NAALADL2: variants seen among roughly 807,000 people sequenced by gnomAD.
NAALADL2 encodes the protein inactive N-acetylated-alpha-linked acidic dipeptidase-like protein 2.
A neutral mutation model predicts 87.2 loss-of-function variants in NAALADL2; 76 were observed. The ratio of observed to expected loss-of-function variants is 0.87; its 90% CI spans 0.72 to 1.05. The LOEUF is 1.05. Among genes scored for constraint, NAALADL2 ranks in the 50% least tolerant of loss-of-function variants. The pLI is 0.00. For missense variants in NAALADL2, 1,089 were observed against 945.8 expected (o/e 1.15, Z -1.99); for synonymous variants, 354 against 331.0 (o/e 1.07, Z -0.75).
chr3:175,472,502 G>A (rs1231085827), intron 9 of NAALADL2, among the ~76,000 whole-genome samples: 1 of 152,024 alleles, frequency 6.6e-6, no homozygotes, highest in African/African-American at 2.4e-5. Flanking sequence ...TTTCCTCTTA[G>A]CCTCAATGTC....
At chr3:175,679,963 G>A (rs571703947) in intron 11 of NAALADL2, among the ~76,000 whole-genome samples, 12 of 152,116 alleles carry the variant, frequency 7.9e-5, no homozygotes, top group South Asian at 2.1e-4. Context: ...AAAGGATGCC[G>A]TCACATATTT....
intron 5 of NAALADL2, among the ~76,000 whole-genome samples, chr3:175,388,588 G>C (rs1012048147): frequency 1.3e-5 from 2 of 152,030 alleles, no homozygotes; most frequent in African/African-American, 4.8e-5. Flanking sequence ...TTTAATGTAC[G>C]CACTTGATAA....
At chr3:175,391,635 G>A (rs1769088193) in intron 5 of NAALADL2, among the ~76,000 whole-genome samples, 1 of 152,082 alleles carries the variant, frequency 6.6e-6, no homozygotes. Flanking sequence ...TCTCAGCTGA[G>A]GTAGAGGTTA....
chr3:174,442,091 G>A (rs1714695399), intron 1 of NAALADL2, among the ~76,000 whole-genome samples: 1 of 152,132 alleles, frequency 6.6e-6, no homozygotes, highest in African/African-American at 2.4e-5. Context: ...CAGTGAGTTC[G>A]ATTTGGTAAC....
chr3:175,499,544 T>G (rs1729260333), intron 9 of NAALADL2, among the ~76,000 whole-genome samples: 1 of 152,052 alleles, frequency 6.6e-6, no homozygotes, highest in Admixed American at 6.6e-5. Context: ...GTTTTAGTTC[T>G]TAGATCTACT....
intron 1 of NAALADL2, among the ~76,000 whole-genome samples, chr3:174,905,268 A>G (rs1353848009): frequency 6.6e-6 from 1 of 151,864 alleles, no homozygotes; most frequent in African/African-American, 2.4e-5. Context: ...TTAGTATTTA[A>G]ATGCTCATTG....
chr3:175,326,939 A>G (rs1349603354), intron 5 of NAALADL2, among the ~76,000 whole-genome samples: 11 of 152,176 alleles, frequency 7.2e-5, no homozygotes, highest in Non-Finnish European at 1.3e-4. Flanking sequence ...AATGATTATT[A>G]GAGGGACTAA....
intron 2 of NAALADL2, among the ~76,000 whole-genome samples, chr3:175,113,921 TGAA>T (rs1214300179): frequency 1.3e-5 from 2 of 151,656 alleles, no homozygotes; most frequent in Non-Finnish European, 3.0e-5. Context: ...AAGATAGTCT[TGAA>T]GAAAGGTAGT....
chr3:174,864,142 C>A, intron 1 of NAALADL2: 2 of 447,508 alleles, frequency 4.5e-6, no homozygotes, highest in Admixed American at 4.8e-5. Flanking sequence ...TGAAGATGGA[C>A]TGGGTACATT....
intron 2 of NAALADL2, among the ~76,000 whole-genome samples, chr3:174,700,739 T>C (rs1220340503): frequency 6.6e-6 from 1 of 152,136 alleles, no homozygotes; most frequent in Non-Finnish European, 1.5e-5. Context: ...ATAGGACAAA[T>C]TTAGAAATCA....
intron 2 of NAALADL2, among the ~76,000 whole-genome samples, chr3:174,654,098 G>GTGTGTGTT (rs1724661668): frequency 6.7e-6 from 1 of 149,006 alleles, no homozygotes; most frequent in Non-Finnish European, 1.5e-5. Context: ...GTGTGTGTGT[G>GTGTGTGTT]TGTTAGAAAT....
intron 5 of NAALADL2, among the ~76,000 whole-genome samples, chr3:175,372,567 A>G (rs1766644379): frequency 6.6e-6 from 1 of 152,236 alleles, no homozygotes. Context: ...ACTTGGAGAA[A>G]GAAGAAAGGC....
chr3:175,013,158 TATAAATATGTAATAC>T (rs1750245435), intron 1 of NAALADL2, among the ~76,000 whole-genome samples: 1 of 91,394 alleles, frequency 1.1e-5, no homozygotes, highest in Non-Finnish European at 1.9e-5. Context: ...CATATTTATA[TATAAATATGTAATAC>T]ATATTTATAT....
chr3:175,540,845 G>C (rs1415937987), intron 9 of NAALADL2, among the ~76,000 whole-genome samples: 1 of 152,108 alleles, frequency 6.6e-6, no homozygotes, highest in Non-Finnish European at 1.5e-5. Flanking sequence ...CTCGCCTTCA[G>C]TCATTTTACT....
At chr3:174,629,428 T>G (rs565160412) in intron 2 of NAALADL2, among the ~76,000 whole-genome samples, 15 of 152,190 alleles carry the variant, frequency 9.9e-5, no homozygotes, top group Non-Finnish European at 1.9e-4. Context: ...TCTTTTGATG[T>G]TTGTTCTATT....
At chr3:175,235,039 T>C (rs1452293616) in intron 3 of NAALADL2, 1 of 139,144 alleles carries the variant, frequency 7.2e-6, no homozygotes, top group African/African-American at 2.6e-5. Flanking sequence ...TATGTAAAAG[T>C]GTAATTTTAA....
intron 4 of NAALADL2, among the ~76,000 whole-genome samples, chr3:175,289,564 A>G (rs1029322388): frequency 1.3e-4 from 20 of 151,866 alleles, no homozygotes; most frequent in Non-Finnish European, 2.2e-4. Context: ...TATAACCTTT[A>G]GAAGATTTTC....
intron 2 of NAALADL2, among the ~76,000 whole-genome samples, chr3:174,610,119 A>T (rs1044298537): frequency 4.0e-5 from 6 of 151,120 alleles, no homozygotes; most frequent in Admixed American, 1.3e-4. Flanking sequence ...ATATGTAGAA[A>T]GCTGTAACTG....
At position 175,635,261 on chromosome 3, in the gene NAALADL2, A is replaced by G. The variant is rs191566488; in HGVS notation, c.1896+7875A>G. 2.1e-4 allele frequency among the ~76,000 whole-genome samples: 32 copies of G among 152,186 alleles called. No individual in the cohort carries two copies. The East Asian group carries it at 4.2e-3, about 20-fold the overall frequency. ...TTTTATTACTCAAAAGTGAATTATTACACAATATGTGATTGTCAAAATTTG... is the reference window on the plus strand; with the variant it reads ...TTTTATTACTCAAAAGTGAATTATTGCACAATATGTGATTGTCAAAATTTG... On this transcript the variant is annotated intron_variant, in intron 11 of 13. Transcript: ENST00000454872.
Sources: allele counts gnomAD v4.1 joint callset (sites outside exome capture counted in the v4.1 genomes callset), GRCh38; gene constraint gnomAD v4.1.1; transcripts MANE v1.5; gene names NCBI Gene and HGNC (gene_info 2026-07-23, HGNC 2026-07-21).